The following RNF121 variants were observed in gnomAD, a reference collection of about 807,000 sequenced individuals.
RNF121 encodes the protein ring finger protein 121, also known as E3 ubiquitin ligase RNF121.
RNF121 carries 21 observed loss-of-function variants against 46.5 expected under a neutral mutation model. That is an observed-to-expected ratio of 0.45 (90% CI 0.32 to 0.65). The LOEUF (loss-of-function observed/expected upper bound fraction) is 0.65. Ranked by LOEUF, RNF121 falls within the 30% of genes least tolerant of loss-of-function variation. The pLI is 0.04. For synonymous variants in RNF121, 139 were observed against 144.7 expected, an observed-to-expected ratio of 0.96 and a Z score of 0.28; for missense variants, 346 against 416.0, an observed-to-expected ratio of 0.83 and a Z score of 1.46.
intron 1 of RNF121, among the ~76,000 whole-genome samples, chr11:71,942,648 C>T (rs967585538): frequency 9.9e-5 from 15 of 151,556 alleles, no homozygotes; most frequent in Non-Finnish European, 1.6e-4. Context: ...CCAGTAATCC[C>T]GGCTACTCTG....
intron 4 of RNF121, 66 bp from the exon 5 acceptor site, chr11:71,986,937 TG>T: frequency 1.1e-6 from 1 of 904,146 alleles, no homozygotes; most frequent in Non-Finnish European, 1.9e-6. Context: ...TAAAGGATTC[TG>T]GTGATCAGGA....
chr11:71,948,330 A>G (rs1190419699), intron 1 of RNF121, among the ~76,000 whole-genome samples: 1 of 152,040 alleles, frequency 6.6e-6, no homozygotes, highest in Non-Finnish European at 1.5e-5. Flanking sequence ...AGCCTTGTCA[A>G]CGTGGTGAAA....
At chr11:71,979,290 T>C (rs1181221527) in intron 3 of RNF121, among the ~76,000 whole-genome samples, 1 of 152,188 alleles carries the variant, frequency 6.6e-6, no homozygotes, top group Non-Finnish European at 1.5e-5. Context: ...GGTGACCTAT[T>C]GAGTTGGAGG....
Position 71,956,541 on chromosome 11 carries a change from C to A in RNF121, c.64-686C>A, listed in dbSNP as rs372354627. On this transcript the variant is annotated intron_variant, in intron 1 of 8. Coordinates refer to ENST00000361756, the MANE Select transcript of RNF121 (RefSeq NM_018320.5). ...CCAAATAGAACGAGAACTTTGAAGT[C>A]GGATGGCTAGTGATATCGCTAGTTA... 1.4e-4 allele frequency among the ~76,000 whole-genome samples: 22 copies of A among 152,292 alleles called. No homozygotes were observed. In the East Asian group the frequency reaches 1.5e-3, roughly 11 times the overall value.
At chr11:71,990,554 T>A in intron 5 of RNF121, 43 bp from the exon 6 acceptor site, 3 of 1,605,162 alleles carry the variant, frequency 1.9e-6, no homozygotes, top group Non-Finnish European at 2.6e-6. Context: ...ATAGAAGATA[T>A]GTCTCAGGGT....
At chr11:71,954,733 T>A (rs535268787) in intron 1 of RNF121, among the ~76,000 whole-genome samples, 4 of 152,192 alleles carry the variant, frequency 2.6e-5, no homozygotes, top group Non-Finnish European at 5.9e-5. Context: ...CTCATTGGAT[T>A]TGGTTTCTTG....
intron 3 of RNF121, among the ~76,000 whole-genome samples, chr11:71,966,306 G>A (rs149351812): frequency 0.033 from 4,954 of 152,150 alleles, 77 homozygotes; most frequent in East Asian, 0.078. Flanking sequence ...AGTGTGAGCC[G>A]CCGTGCCTGG....
intron 4 of RNF121, among the ~76,000 whole-genome samples, chr11:71,985,768 T>G (rs1954759991): frequency 6.6e-6 from 1 of 152,144 alleles, no homozygotes. Context: ...TGGCTCCTGA[T>G]GACAGGGACC....
chr11:71,956,515 AC>A (rs1953995846), intron 1 of RNF121, among the ~76,000 whole-genome samples: 1 of 152,220 alleles, frequency 6.6e-6, no homozygotes, highest in African/African-American at 2.4e-5. Flanking sequence ...AGATAAGACT[AC>A]CAAATAGAAC....
intron 2 of RNF121, 36 bp downstream of exon 2, chr11:71,957,300 C>G: frequency 7.3e-7 from 1 of 1,370,978 alleles, no homozygotes; most frequent in Non-Finnish European, 1.0e-6. Context: ...AGTCTAGGAA[C>G]TGCAGGTTAA....
chr11:71,994,056 G>A (rs1954922418), intron 6 of RNF121, among the ~76,000 whole-genome samples: 1 of 152,028 alleles, frequency 6.6e-6, no homozygotes, highest in Non-Finnish European at 1.5e-5. Flanking sequence ...TAGTTAGGAT[G>A]CTCTCGATCT....
At chr11:71,983,034 G>T (rs925757163) in intron 4 of RNF121, 119 bp downstream of exon 4, 15 of 963,456 alleles carry the variant, frequency 1.6e-5, no homozygotes, top group Non-Finnish European at 2.0e-5. Context: ...AAATTATTTG[G>T]CATGGGGCCT....
chr11:71,989,642 T>C (rs988085393), intron 5 of RNF121, among the ~76,000 whole-genome samples: 1 of 152,172 alleles, frequency 6.6e-6, no homozygotes, highest in African/African-American at 2.4e-5. Flanking sequence ...TAATTTTCTA[T>C]AACAAAGATT....
chr11:71,957,737 T>G (rs181266970), intron 2 of RNF121, among the ~76,000 whole-genome samples: 7 of 152,186 alleles, frequency 4.6e-5, no homozygotes, highest in African/African-American at 1.7e-4. Context: ...GAGCTCTGGT[T>G]AAGAAAATGG....
intron 4 of RNF121, among the ~76,000 whole-genome samples, chr11:71,984,559 C>T (rs1954728955): frequency 6.6e-6 from 1 of 150,934 alleles, no homozygotes; most frequent in South Asian, 2.1e-4. Flanking sequence ...GGATTACAGG[C>T]ATGAGCCACC....
At chr11:71,953,422 G>A (rs1953926096) in intron 1 of RNF121, among the ~76,000 whole-genome samples, 1 of 152,220 alleles carries the variant, frequency 6.6e-6, no homozygotes, top group Non-Finnish European at 1.5e-5. Flanking sequence ...GTGTACAGAT[G>A]CGTATGGCTG....
intron 1 of RNF121, among the ~76,000 whole-genome samples, chr11:71,950,715 C>G (rs569287203): frequency 2.4e-3 from 370 of 151,622 alleles, no homozygotes; most frequent in Middle Eastern, 0.01. Context: ...TGCAGTGGCG[C>G]GGTCTTGGCT....
At position 71,987,120 on chromosome 11, in the gene RNF121, C is replaced by T; in HGVS notation, c.506+9C>T. ...CTTAACTTATTATTCAAGTGAGTAC[C>T]CTTTGTTTTTGTTTTTGCTGGAGTT... On this transcript the variant is annotated intron_variant, in intron 5 of 8. Coordinates refer to ENST00000361756, the MANE Select transcript of RNF121 (RefSeq NM_018320.5). The T allele has an allele frequency of 6.4e-7, 1 of 1,567,246 alleles. No homozygotes were observed.
intron 1 of RNF121, among the ~76,000 whole-genome samples, chr11:71,946,906 CA>C (rs1475593639): frequency 8.0e-6 from 1 of 124,630 alleles, no homozygotes; most frequent in East Asian, 2.5e-4. Context: ...ATCGCTCTGT[CA>C]CCCAGGCTGG....
Sources: allele counts gnomAD v4.1 joint callset (sites outside exome capture counted in the v4.1 genomes callset), GRCh38; gene constraint gnomAD v4.1.1; transcripts MANE v1.5; gene names NCBI Gene and HGNC (gene_info 2026-07-23, HGNC 2026-07-21).